CWH43: variants seen among roughly 807,000 people sequenced by gnomAD.
The protein encoded by CWH43 is PGAP2-interacting protein.
Under a neutral mutation model 85.7 loss-of-function variants are expected in CWH43, and 91 were observed. The observed-to-expected ratio is 1.06, with a 90% confidence interval of 0.90 to 1.26. CWH43 has a LOEUF of 1.26. Ranked by LOEUF, CWH43 falls within the 50% of genes most tolerant of loss-of-function variation. The probability of loss-of-function intolerance (pLI) is 0.00; values close to 1 mark genes in which losing one functional copy is unlikely to be tolerated. For missense variants in CWH43, 869 were observed against 839.2 expected, an observed-to-expected ratio of 1.04 and a Z score of -0.44; for synonymous variants, 323 against 293.6, an observed-to-expected ratio of 1.10 and a Z score of -1.02.
In CWH43 at chr4:48,995,868, CTCTT is replaced by C. The variant is rs574772600; in HGVS notation, c.713+1050_713+1053del. Among the ~76,000 whole-genome samples the C allele has an allele frequency of 9.4e-4, 143 of 152,272 alleles. 1 individual carries two copies. The South Asian group carries it at 0.028, about 30-fold the overall frequency. On this transcript the variant is annotated intron_variant, in intron 5 of 15. Transcript: ENST00000226432. ...TATTACTGTTGTCTCCTAATTGTCT[CTCTT>C]TAGCAGAATCTTCTCCACATGGTTC...
intron 2 of CWH43, 125 bp downstream of exon 2, chr4:48,988,793 C>A: frequency 1.6e-6 from 1 of 630,988 alleles, no homozygotes; most frequent in Non-Finnish European, 2.6e-6. Context: ...CTTTTCCTTA[C>A]CACTGCCTTA....
At chr4:49,047,453 G>A (rs1189429677) in intron 14 of CWH43, among the ~76,000 whole-genome samples, 1 of 152,150 alleles carries the variant, frequency 6.6e-6, no homozygotes, top group African/African-American at 2.4e-5. Context: ...AACTAAGCAG[G>A]GGAAGGAGCT....
chr4:49,059,641 A>G (rs541103740), intron 15 of CWH43, among the ~76,000 whole-genome samples: 1 of 152,290 alleles, frequency 6.6e-6, no homozygotes, highest in African/African-American at 2.4e-5. Context: ...TCAGTGGGCT[A>G]TCTAGCTGGG....
chr4:49,006,985 G>A (rs1783179044), intron 7 of CWH43: 4 of 390,738 alleles, frequency 1.0e-5, no homozygotes, highest in Non-Finnish European at 1.8e-5. Flanking sequence ...AAAGGCTGGG[G>A]TCCTGTCATT....
Position 49,044,841 on chromosome 4 carries a change from T to A in CWH43, c.1859T>A (p.Leu620Gln), listed in dbSNP as rs1273718819. 2.5e-6 allele frequency: 4 copies of A among 1,612,532 alleles called. No individual in the cohort carries two copies. Among genetic ancestry groups the A allele is most frequent in the Non-Finnish European group, 3.4e-6 (4 of 1,178,750 alleles). ...RWCEYIMYRG[L>Q]IRLGYARISH... ...TGTGAATACATTATGTATCGAGGGC[T>A]GATCAGGTGAGCACAGGGGTTTGAT... is the stretch of plus-strand genomic sequence containing the variant. The change falls in exon 14 of 16, where the codon CTG becomes CAG. Residue 620 changes from leucine (L) to glutamine (Q), a missense_variant. Physicochemically the swap from Leu to Gln is moderately radical, Grantham distance 113 (BLOSUM62 -2). Transcript: ENST00000226432.
At chr4:49,015,855 C>A (rs1465430008) in intron 8 of CWH43, among the ~76,000 whole-genome samples, 2 of 151,988 alleles carry the variant, frequency 1.3e-5, no homozygotes, top group Non-Finnish European at 2.9e-5. Flanking sequence ...TATTTGATTT[C>A]TTTTCAAAAT....
At chr4:48,986,965 A>T (rs924458911) in intron 1 of CWH43, among the ~76,000 whole-genome samples, 1 of 152,200 alleles carries the variant, frequency 6.6e-6, no homozygotes, top group African/African-American at 2.4e-5. Flanking sequence ...TGTCGGCTGC[A>T]CACTTGGGCA....
In CWH43 at chr4:49,030,960, G is replaced by T; in HGVS notation, c.1508G>T (p.Gly503Val). 6.3e-7 allele frequency: 1 copy of T among 1,585,576 alleles called. No individual in the cohort carries two copies. The highest frequency in any genetic ancestry group is 1.4e-5 in the African/African-American group (1 of 73,162). Reference sequence around the variant, plus strand: ...CCAAGCACAAGGTATCACACTTGGGGGTGAGTATACCTTGGGAGTTAATCC... The same window carrying T: ...CCAAGCACAAGGTATCACACTTGGGTGTGAGTATACCTTGGGAGTTAATCC... Reference protein sequence around the residue: ...FGPSTRYHTWGIMALSRYPIV... With the variant: ...FGPSTRYHTWVIMALSRYPIV... Residue 503 changes from glycine to valine, a missense_variant and splice_region_variant, in exon 11 of 16, where the codon GGG (glycine) becomes GTG (valine). Gly to Val is a moderately radical substitution (Grantham distance 109). Coordinates refer to ENST00000226432, the MANE Select transcript of CWH43 (RefSeq NM_025087.3).
chr4:49,034,906 G>T (rs4261960), intron 12 of CWH43, among the ~76,000 whole-genome samples: 2,001 of 152,238 alleles, frequency 0.013, 21 homozygotes, highest in Non-Finnish European at 0.019. Flanking sequence ...AACCAAATCA[G>T]ACAACTATGA....
Position 49,061,881 on chromosome 4 carries a change from C to G in CWH43, c.2091C>G (p.Tyr697Ter), listed in dbSNP as rs748157272. The G allele has an allele frequency of 7.3e-7, 1 of 1,375,418 alleles. No homozygotes were observed. The highest frequency in any genetic ancestry group is 1.5e-5 in the South Asian group (1 of 68,564). The allele number at this position is 1,375,418 out of a possible 1,614,324, so 85.2% of individuals were successfully genotyped here. A position where few individuals can be genotyped will look rare whatever the true frequency, so the allele number is the denominator to read the frequency against. ...ATTTTCATATGAATACTCCCAAATA[C>G]TTTTTATGAAACATTTAAAACAAGA... Reference protein sequence around the residue: ...NHHFHMNTPKYFL With the variant: ...NHHFHMNTPK The change falls in exon 16 of 16, where the codon TAC becomes TAG. Residue 697 changes from tyrosine (Y) to a stop codon, truncating the protein, a stop_gained. Coordinates refer to ENST00000226432, the MANE Select transcript of CWH43 (RefSeq NM_025087.3). LOFTEE classifies it high-confidence loss of function.
At position 49,014,204 on chromosome 4, in the gene CWH43, G is replaced by C. The variant is rs141607141; in HGVS notation, c.1187-3045G>C. ...GCAGTGGTTCACTTCTGTAATCCCA[G>C]CACTTTGAAAGGCCAAGGCAGGAGG... On this transcript the variant is annotated intron_variant, in intron 8 of 15. Transcript: ENST00000226432. Among the ~76,000 whole-genome samples the C allele has an allele frequency of 5.3e-5, 8 of 152,260 alleles. No homozygotes were observed. In the East Asian group the frequency reaches 1.5e-3, roughly 29 times the overall value.
chr4:49,005,855 A>G (rs1359967389), intron 7 of CWH43, among the ~76,000 whole-genome samples: 1 of 152,078 alleles, frequency 6.6e-6, no homozygotes, highest in African/African-American at 2.4e-5. Flanking sequence ...TGGTGCCCTG[A>G]CAGACATCCG....
Position 49,038,077 on chromosome 4 carries a change from A to G in CWH43, c.1700A>G (p.Lys567Arg), listed in dbSNP as rs766988714. The change falls in exon 13 of 16, where the codon AAA becomes AGA. Residue 567 changes from lysine to arginine, a missense_variant. Lys to Arg is a conservative substitution (Grantham distance 26). Transcript: ENST00000226432. ...AAACTGCAGGCTATTGCTGTTTCAA[A>G]ACTACTGAAAAGTAGCTCTAATCAA... ...DRKLQAIAVS[K>R]LLKSSSNQVI... 12 of 1,612,662 alleles carry G rather than the reference A, an allele frequency of 7.4e-6. No homozygotes were observed. The South Asian group carries it at 1.3e-4, about 18-fold the overall frequency.
chr4:49,011,273 GTTGTATCAGAGACTAGGA>G (rs1783348771), intron 8 of CWH43, among the ~76,000 whole-genome samples: 1 of 152,088 alleles, frequency 6.6e-6, no homozygotes, highest in African/African-American at 2.4e-5. Flanking sequence ...TTTAAAGCCT[GTTGTATCAGAGACTAGGA>G]TTGCAACCCC....
At chr4:49,008,777 A>T (rs1414100228) in intron 8 of CWH43, among the ~76,000 whole-genome samples, 1 of 152,096 alleles carries the variant, frequency 6.6e-6, no homozygotes, top group Non-Finnish European at 1.5e-5. Flanking sequence ...CAAAGATCAG[A>T]TGGTTGTAGA....
chr4:49,019,329 GA>G (rs1191458459), intron 9 of CWH43, among the ~76,000 whole-genome samples: 2 of 152,048 alleles, frequency 1.3e-5, no homozygotes, highest in Non-Finnish European at 2.9e-5. Flanking sequence ...TGCAAGTTGA[GA>G]AAAAAGTTGT....
intron 8 of CWH43, among the ~76,000 whole-genome samples, chr4:49,013,516 C>A (rs544236882): frequency 6.6e-6 from 1 of 152,356 alleles, no homozygotes; most frequent in South Asian, 2.1e-4. Flanking sequence ...GCAACCAGTT[C>A]CAATGAGATG....
At chr4:48,998,692 A>C in intron 6 of CWH43, 144 bp downstream of exon 6, 1 of 645,308 alleles carries the variant, frequency 1.5e-6, no homozygotes, top group Non-Finnish European at 2.8e-6. Flanking sequence ...AGCAACTATA[A>C]TGCAGATGTC....
chr4:49,035,295 G>A (rs1263852528), intron 12 of CWH43, among the ~76,000 whole-genome samples: 1 of 152,158 alleles, frequency 6.6e-6, no homozygotes, highest in African/African-American at 2.4e-5. Context: ...GATTCAACAA[G>A]ATTTTAAAAA....
Sources: gnomAD v4.1 joint callset for allele counts (sites outside exome capture counted in the v4.1 genomes callset) on GRCh38, gnomAD v4.1.1 for gene constraint, MANE v1.5 for transcripts, NCBI Gene and HGNC (gene_info 2026-07-23, HGNC 2026-07-21) for gene names.